The following SH3RF3 variants were observed in gnomAD, a reference collection of about 807,000 sequenced individuals.
SH3RF3 encodes the protein E3 ubiquitin-protein ligase SH3RF3.
A neutral mutation model predicts 66.3 loss-of-function variants in SH3RF3; 29 were observed. That is an observed-to-expected ratio of 0.44 (90% confidence interval 0.33 to 0.60). The LOEUF (loss-of-function observed/expected upper bound fraction) is 0.60. Ranked by LOEUF, SH3RF3 falls within the 20% of genes least tolerant of loss-of-function variation. SH3RF3 has a pLI of 0.04. For missense variants in SH3RF3, 1,194 were observed against 1,190.9 expected, an observed-to-expected ratio of 1.00 and a Z score of -0.04; for synonymous variants, 583 against 532.0, an observed-to-expected ratio of 1.10 and a Z score of -1.32.
At chr2:109,400,230 A>G (rs1676269011) in intron 4 of SH3RF3, among the ~76,000 whole-genome samples, 1 of 152,136 alleles carries the variant, frequency 6.6e-6, no homozygotes, top group Admixed American at 6.5e-5. Flanking sequence ...ATGCACGCAC[A>G]CACACACATA....
intron 7 of SH3RF3, among the ~76,000 whole-genome samples, chr2:109,439,743 G>A (rs887248989): frequency 2.6e-5 from 4 of 152,042 alleles, no homozygotes; most frequent in South Asian, 4.2e-4. Flanking sequence ...AAAAAGCACC[G>A]AGAAGGAGCT....
chr2:109,292,012 C>T (rs1273768460), intron 1 of SH3RF3, among the ~76,000 whole-genome samples: 2 of 152,224 alleles, frequency 1.3e-5, no homozygotes, highest in Admixed American at 6.5e-5. Flanking sequence ...TACAGGCGCA[C>T]GCCACCACGC....
At chr2:109,402,465 C>T (rs1328125265) in intron 4 of SH3RF3, among the ~76,000 whole-genome samples, 1 of 152,230 alleles carries the variant, frequency 6.6e-6, no homozygotes, top group Non-Finnish European at 1.5e-5. Flanking sequence ...AACAGAGGCC[C>T]CTCACATGCC....
intron 1 of SH3RF3, among the ~76,000 whole-genome samples, chr2:109,261,080 C>T (rs1227550401): frequency 4.6e-5 from 7 of 152,292 alleles, no homozygotes; most frequent in East Asian, 1.9e-4. Context: ...GTGTCTTACA[C>T]GGGTCCATTT....
chr2:109,221,533 G>A (rs543163950), intron 1 of SH3RF3, among the ~76,000 whole-genome samples: 120 of 146,818 alleles, frequency 8.2e-4, no homozygotes, highest in Admixed American at 2.7e-3. Context: ...GGTAAGCCGC[G>A]ATCGCGCCAG....
At chr2:109,366,269 C>A (rs1553512151) in intron 2 of SH3RF3, among the ~76,000 whole-genome samples, 3 of 152,034 alleles carry the variant, frequency 2.0e-5, no homozygotes, top group Non-Finnish European at 4.4e-5. Context: ...TCTTACTTTG[C>A]TTTTTTCGTT....
intron 1 of SH3RF3, among the ~76,000 whole-genome samples, chr2:109,294,705 A>G (rs7568464): frequency 0.012 from 1,882 of 152,080 alleles, 46 homozygotes; most frequent in African/African-American, 0.043. Flanking sequence ...AGCTGGGAGG[A>G]AGACAGACAC....
intron 8 of SH3RF3, among the ~76,000 whole-genome samples, chr2:109,474,613 G>T (rs367831393): frequency 1.3e-5 from 2 of 152,362 alleles, no homozygotes; most frequent in Non-Finnish European, 2.9e-5. Context: ...TTTGGGCAGG[G>T]GGGGAGAACG....
At chr2:109,289,171 C>T (rs1459820609) in intron 1 of SH3RF3, among the ~76,000 whole-genome samples, 2 of 152,168 alleles carry the variant, frequency 1.3e-5, no homozygotes, top group African/African-American at 4.8e-5. Flanking sequence ...CCCTGTCTCT[C>T]TCTCTCTGCA....
chr2:109,369,889 C>T (rs56129485), intron 2 of SH3RF3, among the ~76,000 whole-genome samples: 1,794 of 152,318 alleles, frequency 0.012, 35 homozygotes, highest in African/African-American at 0.04. Flanking sequence ...CTGTAAGTCC[C>T]GAATTGCTGC....
In SH3RF3 at chr2:109,502,008, C is replaced by G. The variant is rs1432728907; in HGVS notation, c.*337C>G. The G allele has an allele frequency of 7.4e-6, 2 of 268,948 alleles. No homozygotes were observed. Among genetic ancestry groups the G allele is most frequent in the African/African-American group, 2.1e-5 (1 of 46,770 alleles). The allele number at this position is 268,948 out of a possible 1,614,324, so 16.7% of individuals were successfully genotyped here. A position where few individuals can be genotyped will look rare whatever the true frequency, so the allele number is the denominator to read the frequency against. ...CCATGGCAGCGTTCTCATTTACCAC[C>G]TAAGCAGGGTTGGAGGTTGCAGGAG... On this transcript the variant is annotated 3_prime_UTR_variant, in exon 10 of 10. Coordinates refer to ENST00000309415, the MANE Select transcript of SH3RF3 (RefSeq NM_001099289.3).
chr2:109,211,055 C>T (rs1481055588), intron 1 of SH3RF3, among the ~76,000 whole-genome samples: 1 of 152,162 alleles, frequency 6.6e-6, no homozygotes, highest in African/African-American at 2.4e-5. Context: ...GTCTGTTCTG[C>T]TCTGTCTGGT....
intron 1 of SH3RF3, among the ~76,000 whole-genome samples, chr2:109,318,297 C>T (rs951308622): frequency 2.0e-5 from 3 of 152,036 alleles, no homozygotes; most frequent in African/African-American, 4.8e-5. Flanking sequence ...GCGACTGCTC[C>T]TCCTAGCGTG....
chr2:109,418,886 G>T (rs915972158), intron 4 of SH3RF3, among the ~76,000 whole-genome samples: 5 of 152,126 alleles, frequency 3.3e-5, no homozygotes, highest in Admixed American at 6.5e-5. Context: ...GATTCTCTAT[G>T]TAGGAATTCC....
intron 1 of SH3RF3, among the ~76,000 whole-genome samples, chr2:109,339,220 C>T (rs1428843478): frequency 6.6e-6 from 1 of 151,512 alleles, no homozygotes; most frequent in East Asian, 1.9e-4. Context: ...TGAAAAAAAT[C>T]CACGTATAAG....
At chr2:109,251,690 T>C (rs1680096128) in intron 1 of SH3RF3, 5 of 1,038,226 alleles carry the variant, frequency 4.8e-6, no homozygotes, top group Non-Finnish European at 6.0e-6. Flanking sequence ...CCTCTCTTCA[T>C]AGGTTCTATT....
At chr2:109,213,316 G>A (rs1453581492) in intron 1 of SH3RF3, among the ~76,000 whole-genome samples, 1 of 152,172 alleles carries the variant, frequency 6.6e-6, no homozygotes, top group South Asian at 2.1e-4. Flanking sequence ...ATAAGGCTAT[G>A]TGTACGCCAA....
intron 1 of SH3RF3, among the ~76,000 whole-genome samples, chr2:109,214,149 G>A (rs1194485499): frequency 6.6e-6 from 1 of 152,178 alleles, no homozygotes; most frequent in Non-Finnish European, 1.5e-5. Flanking sequence ...CGTCTAGGTA[G>A]GGGCCTCAGC....
intron 1 of SH3RF3, among the ~76,000 whole-genome samples, chr2:109,216,055 ACAGC>A (rs1274898850): frequency 6.6e-6 from 1 of 152,168 alleles, no homozygotes; most frequent in Non-Finnish European, 1.5e-5. Flanking sequence ...AACAGGTAAG[ACAGC>A]CAAGCAGTCA....
Sources: gnomAD v4.1 joint callset for allele counts (sites outside exome capture counted in the v4.1 genomes callset) on GRCh38, gnomAD v4.1.1 for gene constraint, MANE v1.5 for transcripts, NCBI Gene and HGNC (gene_info 2026-07-23, HGNC 2026-07-21) for gene names.